The following LRRTM4 variants were observed in gnomAD, a reference collection of about 807,000 sequenced individuals.
LRRTM4 encodes leucine rich repeat transmembrane neuronal 4.
In LRRTM4, 25 loss-of-function variants were observed where a neutral mutation model predicts 47.6. That is an observed-to-expected ratio of 0.53 (90% CI 0.38 to 0.73). LRRTM4 has a LOEUF of 0.73. Among genes scored for constraint, LRRTM4 ranks in the 30% least tolerant of loss-of-function variants. The pLI, the probability that LRRTM4 is intolerant of heterozygous loss-of-function variation, is 0.00. For missense variants in LRRTM4, 638 were observed against 713.4 expected (o/e 0.89, Z 1.20); for synonymous variants, 311 against 269.5 (o/e 1.15, Z -1.51).
chr2:77,006,453 T>C (rs935915965), intron 3 of LRRTM4, among the ~76,000 whole-genome samples: 7 of 152,042 alleles, frequency 4.6e-5, no homozygotes. Context: ...TTCCAGAAAA[T>C]TTTATTTTGG....
In LRRTM4 at chr2:76,880,845, T is replaced by G. The variant is rs539385601; in HGVS notation, c.1552-131929A>C. Among the ~76,000 whole-genome samples, 9 of 152,296 alleles carry G rather than the reference T, an allele frequency of 5.9e-5. No homozygotes were observed. In the South Asian group the frequency reaches 1.9e-3, roughly 32 times the overall value. ...AAGCAAACAAGAATCCAATTGGTAT[T>G]TGATTTTTCATTAGTGACCATGAAG... On this transcript the variant is annotated intron_variant, in intron 3 of 3. Coordinates refer to ENST00000409884, the MANE Select transcript of LRRTM4 (RefSeq NM_001134745.3).
intron 3 of LRRTM4, among the ~76,000 whole-genome samples, chr2:76,945,879 T>C (rs935607534): frequency 1.6e-4 from 24 of 151,988 alleles, no homozygotes; most frequent in African/African-American, 4.3e-4. Flanking sequence ...GCAAAAATAA[T>C]TTTATCCACA....
intron 3 of LRRTM4, among the ~76,000 whole-genome samples, chr2:77,471,751 T>A (rs929168395): frequency 6.6e-6 from 1 of 152,214 alleles, no homozygotes; most frequent in Non-Finnish European, 1.5e-5. Flanking sequence ...CTGCTTTAGA[T>A]ATATAACACA....
intron 3 of LRRTM4, among the ~76,000 whole-genome samples, chr2:76,881,072 T>C (rs1451459812): frequency 6.6e-6 from 1 of 152,142 alleles, no homozygotes; most frequent in African/African-American, 2.4e-5. Flanking sequence ...TATCATACAA[T>C]TTCAAACAGC....
intron 3 of LRRTM4, among the ~76,000 whole-genome samples, chr2:76,968,728 G>C (rs983415347): frequency 6.6e-6 from 1 of 151,542 alleles, no homozygotes; most frequent in African/African-American, 2.4e-5. Context: ...CTCCGGTAAG[G>C]ATCCTTACTC....
intron 3 of LRRTM4, among the ~76,000 whole-genome samples, chr2:77,156,566 TAA>T (rs1672565398): frequency 6.6e-6 from 1 of 151,970 alleles, no homozygotes; most frequent in South Asian, 2.1e-4. Context: ...GCCAATAACA[TAA>T]GACTAAAAAC....
At chr2:77,156,593 C>T (rs115792909) in intron 3 of LRRTM4, among the ~76,000 whole-genome samples, 2,020 of 151,810 alleles carry the variant, frequency 0.013, 48 homozygotes, top group African/African-American at 0.046. Flanking sequence ...AAAACAACAC[C>T]ATATATAATT....
intron 3 of LRRTM4, among the ~76,000 whole-genome samples, chr2:77,131,861 T>A (rs1027104254): frequency 6.6e-5 from 10 of 152,328 alleles, no homozygotes; most frequent in Admixed American, 2.6e-4. Flanking sequence ...GGGAATTTTT[T>A]AAATTTATTT....
intron 3 of LRRTM4, among the ~76,000 whole-genome samples, chr2:77,251,424 C>T (rs183464262): frequency 6.6e-6 from 1 of 151,796 alleles, no homozygotes; most frequent in East Asian, 2.0e-4. Context: ...GAAGTCACTA[C>T]ATGGGAATGG....
intron 3 of LRRTM4, among the ~76,000 whole-genome samples, chr2:77,156,850 A>C (rs565514655): frequency 1.1e-3 from 172 of 151,834 alleles, no homozygotes; most frequent in African/African-American, 3.9e-3. Context: ...GGGACTATAG[A>C]TGTGAGCTAC....
chr2:76,969,974 A>G (rs1676162618), intron 3 of LRRTM4, among the ~76,000 whole-genome samples: 1 of 151,984 alleles, frequency 6.6e-6, no homozygotes, highest in Non-Finnish European at 1.5e-5. Context: ...GACAACTTTC[A>G]TGTAACTTCA....
intron 3 of LRRTM4, among the ~76,000 whole-genome samples, chr2:77,374,312 G>T (rs370723215): frequency 2.0e-5 from 3 of 151,760 alleles, no homozygotes; most frequent in East Asian, 1.9e-4. Flanking sequence ...AAACTGACTT[G>T]CAGAAAATGC....
At chr2:76,917,241 G>C (rs1674282809) in intron 3 of LRRTM4, among the ~76,000 whole-genome samples, 1 of 152,164 alleles carries the variant, frequency 6.6e-6, no homozygotes, top group African/African-American at 2.4e-5. Context: ...ACAAAACCAG[G>C]AGGCAGATTT....
intron 3 of LRRTM4, among the ~76,000 whole-genome samples, chr2:77,305,435 G>A (rs1197062511): frequency 2.0e-5 from 3 of 152,006 alleles, no homozygotes; most frequent in Non-Finnish European, 2.9e-5. Flanking sequence ...CTAAAAAGTT[G>A]ATTATACAAA....
chr2:76,910,900 G>C (rs1674030747), intron 3 of LRRTM4, among the ~76,000 whole-genome samples: 1 of 152,178 alleles, frequency 6.6e-6, no homozygotes, highest in African/African-American at 2.4e-5. Flanking sequence ...CTAAATAGCA[G>C]TAGAAAAGAT....
chr2:76,900,457 T>C (rs1279321812), intron 3 of LRRTM4, among the ~76,000 whole-genome samples: 2 of 152,164 alleles, frequency 1.3e-5, no homozygotes, highest in African/African-American at 4.8e-5. Flanking sequence ...CATTAAGTTA[T>C]ATATTTATGT....
intron 3 of LRRTM4, among the ~76,000 whole-genome samples, chr2:77,003,196 G>C (rs958400598): frequency 6.6e-6 from 1 of 151,528 alleles, no homozygotes; most frequent in African/African-American, 2.4e-5. Flanking sequence ...TCTTCCTGTT[G>C]ATAGAATTTT....
chr2:77,407,449 C>G (rs547233918), intron 3 of LRRTM4, among the ~76,000 whole-genome samples: 1 of 150,212 alleles, frequency 6.7e-6, no homozygotes, highest in Non-Finnish European at 1.5e-5. Flanking sequence ...TAGTTTTGAG[C>G]GCAGGTTTTG....
At position 76,957,912 on chromosome 2, in the gene LRRTM4, TTG is replaced by T. The variant is rs879659124; in HGVS notation, c.1552-208998_1552-208997del. The stretch of plus-strand genomic sequence containing the variant: ...AGATTATATGTATACATATATGTGT[TTG>T]TGTGTGTGTATATATATGTGTGTGT... On this transcript the variant is annotated intron_variant, in intron 3 of 3. Transcript: ENST00000409884. Among the ~76,000 whole-genome samples the T allele has an allele frequency of 2.6e-3, 389 of 151,146 alleles. 2 individuals carry two copies. The highest frequency in any genetic ancestry group is 4.3e-3 in the Non-Finnish European group (293 of 67,594).
Sources: allele counts gnomAD v4.1 joint callset (sites outside exome capture counted in the v4.1 genomes callset), GRCh38; gene constraint gnomAD v4.1.1; transcripts MANE v1.5; gene names NCBI Gene and HGNC (gene_info 2026-07-23, HGNC 2026-07-21).